Variants in ZNF362 observed in about 807,000 individuals in gnomAD.
ZNF362 encodes rotund homolog.
Under a neutral mutation model 42.9 loss-of-function variants are expected in ZNF362, and 11 were observed. The ratio of observed to expected loss-of-function variants is 0.26; its 90% CI spans 0.16 to 0.42. The LOEUF (loss-of-function observed/expected upper bound fraction) is 0.42. ZNF362 is among the 20% of genes least tolerant of loss of function. The pLI is 1.00. For missense variants in ZNF362, 362 were observed against 576.2 expected, an observed-to-expected ratio of 0.63 and a Z score of 3.81; for synonymous variants, 255 against 257.3, an observed-to-expected ratio of 0.99 and a Z score of 0.09.
At chr1:33,130,205 G>A in the ZNF362 span, among the ~76,000 whole-genome samples, 1 of 152,214 alleles carries the variant, frequency 6.6e-6, no homozygotes, top group Admixed American at 6.5e-5. Flanking sequence ...GGAAGAGGAT[G>A]CGGTAGGCAG....
Position 33,280,397 on chromosome 1 carries a change from T to C in ZNF362, c.623T>C (p.Leu208Pro). ...KAENPGGPPV[L>P]VVPYPILASG... is the part of the protein sequence containing the mutation. ...GAGAACCCGGGGGGTCCGCCTGTCC[T>C]TGTAGTCCCCTATCCCATCCTGGCC... The change falls in exon 5 of 9, where the codon CTT becomes CCT. Residue 208 changes from leucine to proline, a missense_variant. By Grantham distance (98) the Leu-to-Pro change is moderately conservative (BLOSUM62 -3). Transcript: ENST00000539719. The surrounding 1 kb of genome is among the most constrained non-coding windows in gnomAD (Gnocchi z 5.6). The C allele has an allele frequency of 6.2e-7, 1 of 1,613,408 alleles. No homozygotes were observed. Among genetic ancestry groups the C allele is most frequent in the South Asian group, 1.1e-5 (1 of 91,002 alleles).
intron 2 of ZNF362, 114 bp downstream of exon 2, chr1:33,270,726 G>A (rs1645896527): frequency 9.2e-6 from 14 of 1,527,214 alleles, no homozygotes; most frequent in Middle Eastern, 1.8e-4. Context: ...TACCCTCTGG[G>A]TCTGCCCTGG....
chr1:33,146,008 C>T, the ZNF362 span: 17 of 436,318 alleles, frequency 3.9e-5, 1 homozygote, highest in South Asian at 1.7e-4. Context: ...TTGGCTGGCA[C>T]GGACCGTGGC....
chr1:33,225,464 C>G, the ZNF362 span, among the ~76,000 whole-genome samples: 27,958 of 152,090 alleles, frequency 0.18, 2,889 homozygotes, highest in East Asian at 0.32. Flanking sequence ...AACTACAGCT[C>G]TTTTAATCAG....
At chr1:33,282,446 A>G (rs1437384214) in intron 6 of ZNF362, among the ~76,000 whole-genome samples, 1 of 152,248 alleles carries the variant, frequency 6.6e-6, no homozygotes, top group African/African-American at 2.4e-5. Context: ...CAAGGAAGAA[A>G]ACAGACGAAA....
chr1:33,250,852 G>GGAAGAAGAAGAAGAAGAAGAA, the ZNF362 span, among the ~76,000 whole-genome samples: 5,241 of 137,508 alleles, frequency 0.038, 157 homozygotes, highest in Admixed American at 0.062. Context: ...GAAGAAAGAA[G>GGAAGAAGAAGAAGAAGAAGAA]GAAGAAGAAG....
At chr1:33,270,318 G>C (rs1200030130) in intron 1 of ZNF362, among the ~76,000 whole-genome samples, 169 bp from the exon 2 acceptor site, 2 of 152,104 alleles carry the variant, frequency 1.3e-5, no homozygotes, top group Non-Finnish European at 2.9e-5. Context: ...GTGTGATTTG[G>C]GGCAAGTTGG....
chr1:33,275,320 A>C, intron 2 of ZNF362: 1 of 985,388 alleles, frequency 1.0e-6, no homozygotes, highest in Non-Finnish European at 1.2e-6. Context: ...CTGCCATGGA[A>C]CTTGCCAGAG....
intron 6 of ZNF362, among the ~76,000 whole-genome samples, chr1:33,283,123 A>G (rs748833622): frequency 1.3e-5 from 2 of 152,188 alleles, no homozygotes; most frequent in South Asian, 2.1e-4. Flanking sequence ...GACTAATACT[A>G]TACAGAAGGG....
Position 33,294,661 on chromosome 1 carries a change from A to C in ZNF362, c.909-276A>C, listed in dbSNP as rs1349936892. ...AAATCAGGCCCTCTCCGAGGCCTGC[A>C]CTGGGTTGCTGCAAGGGCTCTGGTG... is the stretch of plus-strand genomic sequence containing the variant. On this transcript the variant is annotated intron_variant, in intron 6 of 8. Transcript: ENST00000539719. The surrounding 1 kb of genome is among the most constrained non-coding windows in gnomAD (Gnocchi z 4.2). 6.6e-6 allele frequency among the ~76,000 whole-genome samples: 1 copy of C among 152,100 alleles called. No individual in the cohort carries two copies. Among genetic ancestry groups the C allele is most frequent in the Non-Finnish European group, 1.5e-5 (1 of 68,010 alleles).
At chr1:33,202,204 C>CAA in the ZNF362 span, among the ~76,000 whole-genome samples, 1 of 152,308 alleles carries the variant, frequency 6.6e-6, no homozygotes, top group East Asian at 1.9e-4. Context: ...GGAAATAATA[C>CAA]AAATTCTAAA....
the ZNF362 span, among the ~76,000 whole-genome samples, chr1:33,193,718 A>G: frequency 6.6e-6 from 1 of 152,204 alleles, no homozygotes; most frequent in Non-Finnish European, 1.5e-5. Context: ...GGATTATAGA[A>G]CAAATACCGC....
chr1:33,242,330 G>A, the ZNF362 span, among the ~76,000 whole-genome samples: 1 of 152,172 alleles, frequency 6.6e-6, no homozygotes, highest in African/African-American at 2.4e-5. Flanking sequence ...TGACCGTGGT[G>A]TCACAGAAAT....
intron 8 of ZNF362, among the ~76,000 whole-genome samples, chr1:33,298,312 AG>A (rs1435456116): frequency 1.4e-4 from 21 of 152,206 alleles, no homozygotes; most frequent in Admixed American, 1.2e-3. Context: ...ATTGTGCCAC[AG>A]CATTCCAGCC....
the ZNF362 span, among the ~76,000 whole-genome samples, chr1:33,189,671 A>ATATATATATATATATG: frequency 2.9e-5 from 3 of 105,044 alleles, no homozygotes; most frequent in Admixed American, 2.1e-4. Context: ...ATATATATAT[A>ATATATATATATATATG]TGTATATATA....
At chr1:33,180,994 G>T in the ZNF362 span, 1 of 607,810 alleles carries the variant, frequency 1.6e-6, no homozygotes, top group South Asian at 2.8e-5. Context: ...GCCCGGCCCC[G>T]CCCCTTCCCC....
At chr1:33,147,241 G>C in the ZNF362 span, 1 of 1,614,060 alleles carries the variant, frequency 6.2e-7, no homozygotes, top group Non-Finnish European at 8.5e-7. The surrounding 1 kb of genome is among the most constrained non-coding windows in gnomAD (Gnocchi z 8.1). Context: ...GCTCTGGCCA[G>C]GGCTGAAGTA....
the ZNF362 span, among the ~76,000 whole-genome samples, chr1:33,136,827 T>G: frequency 6.6e-6 from 1 of 151,246 alleles, no homozygotes; most frequent in Non-Finnish European, 1.5e-5. Context: ...TGAAACCCTG[T>G]CTCTACTAAA....
chr1:33,250,883 G>GAAGAAGAAGAAGAAGAAA, the ZNF362 span, among the ~76,000 whole-genome samples: 64 of 152,078 alleles, frequency 4.2e-4, no homozygotes, highest in Non-Finnish European at 7.2e-4. Context: ...AGAAGAAGAA[G>GAAGAAGAAGAAGAAGAAA]AAGAAGAAGA....
Sources: allele counts gnomAD v4.1 joint callset (sites outside exome capture counted in the v4.1 genomes callset), GRCh38; gene constraint gnomAD v4.1.1; non-coding constraint Gnocchi (gnomAD v3.1); transcripts MANE v1.5; gene names NCBI Gene and HGNC (gene_info 2026-07-23, HGNC 2026-07-21).